The following PRND variants were observed in gnomAD, a reference collection of about 807,000 sequenced individuals.
PRND encodes the protein prion like protein doppel, also known as prion-like protein doppel.
For synonymous variants in PRND, 94 were observed against 93.2 expected, an observed-to-expected ratio of 1.01 and a Z score of -0.05; for missense variants, 227 against 223.3, an observed-to-expected ratio of 1.02 and a Z score of -0.11.
rs558458738 is a variant in PRND, at chr20:4,723,429, G to T, written c.-11-1112G>T. ...AAGCAGATGGTCACACTGTCCCCCAGGGGTGAGATTGGAAAGGATGCCTGG... is the reference window on the plus strand; with the variant it reads ...AAGCAGATGGTCACACTGTCCCCCATGGGTGAGATTGGAAAGGATGCCTGG... On this transcript the variant is annotated intron_variant, in intron 1 of 1. Coordinates refer to ENST00000305817, the MANE Select transcript of PRND (RefSeq NM_012409.4). Among the ~76,000 whole-genome samples the T allele has an allele frequency of 2.0e-5, 3 of 152,324 alleles. No homozygotes were observed. The East Asian group carries it at 5.8e-4, about 29-fold the overall frequency.
chr20:4,724,445 T>A lies in PRND; in HGVS notation c.-11-96T>A. 6.9e-7 allele frequency: 1 copy of A among 1,452,536 alleles called. No individual in the cohort carries two copies. Among genetic ancestry groups the A allele is most frequent in the Non-Finnish European group, 9.6e-7 (1 of 1,039,328 alleles). The allele number at this position is 1,452,536 out of a possible 1,614,324, so 90.0% of individuals were successfully genotyped here. A position where few individuals can be genotyped will look rare whatever the true frequency, so the allele number is the denominator to read the frequency against. The stretch of plus-strand genomic sequence containing the variant: ...TGAGACCACATAAATAGCACAAGGA[T>A]GCGATTCCTTCCTTAAAATCTCCTG... On this transcript the variant is annotated intron_variant, in intron 1 of 1. Transcript: ENST00000305817. The surrounding 1 kb of genome is among the most constrained non-coding windows in gnomAD (Gnocchi z 4.8).
At chr20:4,723,157 T>C (rs1343448668) in intron 1 of PRND, among the ~76,000 whole-genome samples, 1 of 152,148 alleles carries the variant, frequency 6.6e-6, no homozygotes, top group Admixed American at 6.5e-5. Context: ...GAAACCCAGA[T>C]GGGCAGTGGG....
chr20:4,722,603 A>C (rs1393396046), intron 1 of PRND, among the ~76,000 whole-genome samples: 1 of 151,964 alleles, frequency 6.6e-6, no homozygotes, highest in Non-Finnish European at 1.5e-5. Flanking sequence ...ATAAGGAGCA[A>C]TGTGGCATCA....
rs1568542468 is a variant in PRND at position 4,724,059 on chromosome 20, TATATAC to T, written c.-11-481_-11-476del. On this transcript the variant is annotated intron_variant, in intron 1 of 1. Coordinates refer to ENST00000305817, the MANE Select transcript of PRND (RefSeq NM_012409.4). This position sits in a 1 kb window ranked among gnomAD's most constrained non-coding sequence, Gnocchi z 4.8. The stretch of plus-strand genomic sequence containing the variant: ...GTGTATATATGTATATATGTGTGTG[TATATAC>T]GTGTATATATACATATATATGTGTA... 4.0e-5 allele frequency among the ~76,000 whole-genome samples: 6 copies of T among 150,624 alleles called. No homozygotes were observed. Among genetic ancestry groups the T allele is most frequent in the Non-Finnish European group, 8.9e-5 (6 of 67,744 alleles).
Position 4,725,250 on chromosome 20 carries a change from C to A in PRND, c.*168C>A. The A allele has an allele frequency of 1.2e-6, 1 of 812,888 alleles. No individual in the cohort carries two copies. 50.4% of individuals were successfully genotyped at this position (812,888 alleles called of 1,614,324 possible). ...ATGCGCCCTGGTATGTGCCTGCGTT[C>A]TGATAGATGGGGGACTGTGGCTTCT... On this transcript the variant is annotated 3_prime_UTR_variant, in exon 2 of 2. Transcript: ENST00000305817.
At chr20:4,722,266 C>T (rs1601036580) in intron 1 of PRND, among the ~76,000 whole-genome samples, 1 of 151,758 alleles carries the variant, frequency 6.6e-6, no homozygotes, top group South Asian at 2.1e-4. Context: ...TTATTTGACT[C>T]ACCTGAAATG....
Position 4,724,289 on chromosome 20 carries a change from C to T in PRND, c.-11-252C>T, listed in dbSNP as rs1383433618. On this transcript the variant is annotated intron_variant, in intron 1 of 1. Transcript: ENST00000305817. The surrounding 1 kb of genome is among the most constrained non-coding windows in gnomAD (Gnocchi z 4.8). The stretch of plus-strand genomic sequence containing the variant: ...GCGTATTCAAAGCCACTATAATTGC[C>T]CTTTGCCATTCTTACCTGTCTCGGA... 6.6e-6 allele frequency among the ~76,000 whole-genome samples: 1 copy of T among 152,102 alleles called. No homozygotes were observed. Among genetic ancestry groups the T allele is most frequent in the African/African-American group, 2.4e-5 (1 of 41,410 alleles).
rs569495029 is a variant in PRND, at chr20:4,726,315, T to A, written c.*1233T>A. 6.0e-6 allele frequency: 1 copy of A among 167,026 alleles called. No individual in the cohort carries two copies. Among genetic ancestry groups the A allele is most frequent in the East Asian group, 1.9e-4 (1 of 5,184 alleles). The allele number at this position is 167,026 out of a possible 1,614,324, so 10.3% of individuals were successfully genotyped here. A position where few individuals can be genotyped will look rare whatever the true frequency, so the allele number is the denominator to read the frequency against. On this transcript the variant is annotated 3_prime_UTR_variant, in exon 2 of 2. Transcript: ENST00000305817. Reference sequence around the variant, plus strand: ...TATCTTTAAATATAATCCCTTTACATCTGTGTTCTATGCAAAGTCTCTCAT... The same window carrying A: ...TATCTTTAAATATAATCCCTTTACAACTGTGTTCTATGCAAAGTCTCTCAT...
Position 4,724,448 on chromosome 20 carries a change from G to C in PRND, c.-11-93G>C. The stretch of plus-strand genomic sequence containing the variant: ...GACCACATAAATAGCACAAGGATGC[G>C]ATTCCTTCCTTAAAATCTCCTGCAC... On this transcript the variant is annotated intron_variant, in intron 1 of 1. Coordinates refer to ENST00000305817, the MANE Select transcript of PRND (RefSeq NM_012409.4). The surrounding 1 kb of genome is among the most constrained non-coding windows in gnomAD (Gnocchi z 4.8). The C allele has an allele frequency of 3.4e-6, 5 of 1,480,912 alleles. No individual in the cohort carries two copies. The South Asian group carries it at 4.6e-5, about 13-fold the overall frequency. The allele number at this position is 1,480,912 out of a possible 1,614,324, so 91.7% of individuals were successfully genotyped here.
Position 4,724,249 on chromosome 20 carries a change from C to T in PRND, c.-11-292C>T, listed in dbSNP as rs1205120452. 6.6e-6 allele frequency among the ~76,000 whole-genome samples: 1 copy of T among 152,048 alleles called. No individual in the cohort carries two copies. The highest frequency in any genetic ancestry group is 1.5e-5 in the Non-Finnish European group (1 of 68,012). ...AACCTACATGTATTAAGTCACCACT[C>T]CTTTATTTTCCCATGCGTATTCAAA... On this transcript the variant is annotated intron_variant, in intron 1 of 1. Transcript: ENST00000305817. This position sits in a 1 kb window ranked among gnomAD's most constrained non-coding sequence, Gnocchi z 4.8.
In PRND at chr20:4,726,164, G is replaced by C; in HGVS notation, c.*1082G>C. ...TTTTTTTTTTTTTTTTCAAAAGAAG[G>C]GTAAGTGCTTGCTGTTCCCATCCCT... is the stretch of plus-strand genomic sequence containing the variant. On this transcript the variant is annotated 3_prime_UTR_variant, in exon 2 of 2. Transcript: ENST00000305817. 1 of 104,914 alleles carries C rather than the reference G, an allele frequency of 9.5e-6. No individual in the cohort carries two copies. The highest frequency in any genetic ancestry group is 4.1e-4 in the East Asian group (1 of 2,462). The allele number at this position is 104,914 out of a possible 1,614,324, so 6.5% of individuals were successfully genotyped here.
rs1434676736 is a variant in PRND at position 4,726,009 on chromosome 20, T to C, written c.*927T>C. On this transcript the variant is annotated 3_prime_UTR_variant, in exon 2 of 2. Coordinates refer to ENST00000305817, the MANE Select transcript of PRND (RefSeq NM_012409.4). ...CCGAGTAGCTGGGATTACAGGTGTG[T>C]GCCATCATGCCTGACTAATTTTGTA... is the stretch of plus-strand genomic sequence containing the variant. 2 of 9,598 alleles carry C rather than the reference T, an allele frequency of 2.1e-4. No homozygotes were observed. The highest frequency in any genetic ancestry group is 4.4e-4 in the Non-Finnish European group (2 of 4,552). The allele number at this position is 9,598 out of a possible 1,614,324, so 0.6% of individuals were successfully genotyped here.
chr20:4,723,441 G>A (rs987664018), intron 1 of PRND, among the ~76,000 whole-genome samples: 1 of 152,186 alleles, frequency 6.6e-6, no homozygotes, highest in Non-Finnish European at 1.5e-5. Context: ...GGTGAGATTG[G>A]AAAGGATGCC....
Position 4,724,995 on chromosome 20 carries a change from G to T in PRND, c.444G>T (p.Trp148Cys), listed in dbSNP as rs757941718. The part of the protein sequence containing the change: ...ELCSLKHCEF[W>C]LERGAGLRVT... The stretch of plus-strand genomic sequence containing the variant: ...GCTCCCTCAAGCATTGCGAGTTTTG[G>T]TTGGAGAGGGGCGCAGGACTTCGGG... The change falls in exon 2 of 2, where the codon TGG becomes TGT. Residue 148 changes from tryptophan to cysteine, a missense_variant. Trp to Cys is a radical substitution (Grantham distance 215). Transcript: ENST00000305817. This position sits in a 1 kb window ranked among gnomAD's most constrained non-coding sequence, Gnocchi z 4.8. 7 of 1,613,794 alleles carry T rather than the reference G, an allele frequency of 4.3e-6. No homozygotes were observed. Among genetic ancestry groups the T allele is most frequent in the Non-Finnish European group, 5.9e-6 (7 of 1,179,938 alleles).
rs56112733 is a variant in PRND at position 4,725,862 on chromosome 20, C to CTTTTTT, written c.*791_*796dup. ...CCTGTGGCATGAAGATTTTCTTTCT[C>CTTTTTT]TTTTTTTTTTTTTTTTAGATGGAGT... On this transcript the variant is annotated 3_prime_UTR_variant, in exon 2 of 2. Coordinates refer to ENST00000305817, the MANE Select transcript of PRND (RefSeq NM_012409.4). 9.1e-4 allele frequency: 138 copies of CTTTTTT among 152,168 alleles called. 4 individuals carry two copies. Among genetic ancestry groups the CTTTTTT allele is most frequent in the East Asian group, 1.2e-3 (6 of 4,836 alleles). The allele number at this position is 152,168 out of a possible 1,614,324, so 9.4% of individuals were successfully genotyped here. A position where few individuals can be genotyped will look rare whatever the true frequency, so the allele number is the denominator to read the frequency against.
chr20:4,726,002 A>G lies in PRND; in HGVS notation c.*920A>G. 1 of 67,120 alleles carries G rather than the reference A, an allele frequency of 1.5e-5. No homozygotes were observed. 4.2% of individuals were successfully genotyped at this position (67,120 alleles called of 1,614,324 possible). The stretch of plus-strand genomic sequence containing the variant: ...CAGCCTTCCGAGTAGCTGGGATTAC[A>G]GGTGTGTGCCATCATGCCTGACTAA... On this transcript the variant is annotated 3_prime_UTR_variant, in exon 2 of 2. Coordinates refer to ENST00000305817, the MANE Select transcript of PRND (RefSeq NM_012409.4).
At chr20:4,722,478 C>T (rs559703617) in intron 1 of PRND, among the ~76,000 whole-genome samples, 11 of 151,216 alleles carry the variant, frequency 7.3e-5, no homozygotes, top group Admixed American at 5.3e-4. Context: ...GGGACAAAGA[C>T]GAGGCGATGT....
In PRND at chr20:4,727,771, G is replaced by A. The variant is rs1923317593; in HGVS notation, c.*2689G>A. On this transcript the variant is annotated 3_prime_UTR_variant, in exon 2 of 2. Transcript: ENST00000305817. ...AAATTTTTACTTAACTTAATTCAAT[G>A]CTTTCTACTCATTTTTCTATACTTT... is the stretch of plus-strand genomic sequence containing the variant. 1 of 141,232 alleles carries A rather than the reference G, an allele frequency of 7.1e-6. No homozygotes were observed. Among genetic ancestry groups the A allele is most frequent in the Non-Finnish European group, 1.7e-5 (1 of 58,976 alleles). The allele number at this position is 141,232 out of a possible 1,614,324, so 8.7% of individuals were successfully genotyped here. A position where few individuals can be genotyped will look rare whatever the true frequency, so the allele number is the denominator to read the frequency against.
Position 4,725,870 on chromosome 20 carries a change from T to C in PRND, c.*788T>C, listed in dbSNP as rs1008851587. On this transcript the variant is annotated 3_prime_UTR_variant, in exon 2 of 2. Transcript: ENST00000305817. ...ATGAAGATTTTCTTTCTCTTTTTTT[T>C]TTTTTTTTAGATGGAGTTTTACTCT... The C allele has an allele frequency of 3.0e-5, 5 of 166,604 alleles. No homozygotes were observed. The highest frequency in any genetic ancestry group is 4.8e-5 in the African/African-American group (2 of 41,330). The allele number at this position is 166,604 out of a possible 1,614,324, so 10.3% of individuals were successfully genotyped here.
Sources: allele counts gnomAD v4.1 joint callset (sites outside exome capture counted in the v4.1 genomes callset), GRCh38; gene constraint gnomAD v4.1.1; non-coding constraint Gnocchi (gnomAD v3.1); transcripts MANE v1.5; gene names NCBI Gene and HGNC (gene_info 2026-07-23, HGNC 2026-07-21).